LRRTM4: variants seen among roughly 807,000 people sequenced by gnomAD.
The protein encoded by LRRTM4 is leucine rich repeat transmembrane neuronal 4, also known as leucine-rich repeat transmembrane neuronal protein 4.
A neutral mutation model predicts 47.6 loss-of-function variants in LRRTM4; 25 were observed. The observed-to-expected ratio is 0.53, with a 90% CI of 0.38 to 0.73. The LOEUF (loss-of-function observed/expected upper bound fraction) is 0.73. Ranked by LOEUF, LRRTM4 falls within the 30% of genes least tolerant of loss-of-function variation. LRRTM4 has a pLI of 0.00. For synonymous variants in LRRTM4, 311 were observed against 269.5 expected, an observed-to-expected ratio of 1.15 and a Z score of -1.51; for missense variants, 638 against 713.4, an observed-to-expected ratio of 0.89 and a Z score of 1.20.
intron 3 of LRRTM4, among the ~76,000 whole-genome samples, chr2:77,111,712 T>C (rs1671254789): frequency 6.6e-6 from 1 of 152,108 alleles, no homozygotes; most frequent in African/African-American, 2.4e-5. Context: ...CAAGTAACCC[T>C]TATTTAACTT....
chr2:77,077,777 G>A (rs2103846537), intron 3 of LRRTM4, among the ~76,000 whole-genome samples: 1 of 152,230 alleles, frequency 6.6e-6, no homozygotes, highest in South Asian at 2.1e-4. Context: ...CTTTATATGT[G>A]TGGAACATAC....
chr2:76,770,063 G>A (rs191089073), intron 3 of LRRTM4, among the ~76,000 whole-genome samples: 2 of 152,126 alleles, frequency 1.3e-5, no homozygotes, highest in Non-Finnish European at 2.9e-5. Flanking sequence ...TAGAGTGGGA[G>A]ATGAAGACTC....
chr2:76,935,495 T>C (rs932218901), intron 3 of LRRTM4, among the ~76,000 whole-genome samples: 10 of 152,190 alleles, frequency 6.6e-5, no homozygotes, highest in African/African-American at 2.2e-4. Flanking sequence ...ATGGAAAGTT[T>C]TTCCATTTGT....
At chr2:76,952,444 ACT>A (rs756772058) in intron 3 of LRRTM4, among the ~76,000 whole-genome samples, 1 of 151,944 alleles carries the variant, frequency 6.6e-6, no homozygotes, top group Non-Finnish European at 1.5e-5. Context: ...AAAAATGCTC[ACT>A]GTCTCTAATC....
intron 3 of LRRTM4, among the ~76,000 whole-genome samples, chr2:77,438,477 G>A (rs1045338774): frequency 2.4e-4 from 34 of 142,244 alleles, no homozygotes; most frequent in Non-Finnish European, 4.0e-4. Context: ...CGCGATCTCG[G>A]CTCACTGCGC....
chr2:77,324,686 T>C (rs1375232135), intron 3 of LRRTM4, among the ~76,000 whole-genome samples: 3 of 152,176 alleles, frequency 2.0e-5, no homozygotes, highest in Non-Finnish European at 2.9e-5. Context: ...AAAACAAGAT[T>C]ATACTACATT....
chr2:77,390,508 G>A (rs557694400), intron 3 of LRRTM4, among the ~76,000 whole-genome samples: 8 of 151,834 alleles, frequency 5.3e-5, no homozygotes, highest in Admixed American at 1.3e-4. Context: ...ATTGATATCC[G>A]CTGGTAAATA....
At chr2:76,819,379 T>G (rs1353981970) in intron 3 of LRRTM4, among the ~76,000 whole-genome samples, 2 of 151,718 alleles carry the variant, frequency 1.3e-5, no homozygotes, top group African/African-American at 4.8e-5. Context: ...AAGACATAAG[T>G]AGGAAGTAAA....
At chr2:77,145,484 T>C (rs544033917) in intron 3 of LRRTM4, among the ~76,000 whole-genome samples, 72 of 151,998 alleles carry the variant, frequency 4.7e-4, no homozygotes, top group African/African-American at 1.7e-3. Context: ...AAAAGTTGTA[T>C]GTGGCTGGGC....
At chr2:76,884,342 G>C (rs577618502) in intron 3 of LRRTM4, among the ~76,000 whole-genome samples, 1 of 152,198 alleles carries the variant, frequency 6.6e-6, no homozygotes, top group African/African-American at 2.4e-5. Context: ...TTTAAAGCTA[G>C]TTTTCAAAGC....
At chr2:77,212,819 CTTAG>C (rs1674333031) in intron 3 of LRRTM4, among the ~76,000 whole-genome samples, 1 of 151,964 alleles carries the variant, frequency 6.6e-6, no homozygotes, top group Non-Finnish European at 1.5e-5. Context: ...CAATCATTTT[CTTAG>C]TTAAATAAAA....
chr2:77,426,168 C>T (rs970683862), intron 3 of LRRTM4, among the ~76,000 whole-genome samples: 5 of 151,234 alleles, frequency 3.3e-5, no homozygotes, highest in African/African-American at 4.9e-5. Context: ...TTCCCCTGTT[C>T]GATTAATCAA....
chr2:77,278,772 C>T lies in LRRTM4; in HGVS notation c.1551+239546G>A, dbSNP rs536319356. On this transcript the variant is annotated intron_variant, in intron 3 of 3. Transcript: ENST00000409884. The stretch of plus-strand genomic sequence containing the variant: ...ATTTCATGTTAGAAAGTGTGTATAC[C>T]ATGTGGACTCTACCACTTTCTGACT... 6.6e-5 allele frequency among the ~76,000 whole-genome samples: 10 copies of T among 151,944 alleles called. No individual in the cohort carries two copies. The East Asian group carries it at 1.2e-3, about 18-fold the overall frequency.
At chr2:77,395,290 T>C (rs1342535961) in intron 3 of LRRTM4, among the ~76,000 whole-genome samples, 2 of 151,868 alleles carry the variant, frequency 1.3e-5, no homozygotes, top group Admixed American at 6.6e-5. Flanking sequence ...CAAAAGGGAG[T>C]CTGTTCAGTC....
chr2:77,165,829 T>C (rs970747798), intron 3 of LRRTM4, among the ~76,000 whole-genome samples: 1 of 152,082 alleles, frequency 6.6e-6, no homozygotes, highest in African/African-American at 2.4e-5. Context: ...TAAGAGCTAT[T>C]TATGACAAAC....
intron 3 of LRRTM4, among the ~76,000 whole-genome samples, chr2:77,220,852 G>C (rs572406639): frequency 6.6e-6 from 1 of 152,140 alleles, no homozygotes; most frequent in Non-Finnish European, 1.5e-5. Context: ...GAAATACAGA[G>C]AACGCCACAA....
chr2:77,069,529 G>A (rs961925936), intron 3 of LRRTM4, among the ~76,000 whole-genome samples: 6 of 151,806 alleles, frequency 4.0e-5, no homozygotes, highest in African/African-American at 7.3e-5. Flanking sequence ...TCTTGTTCTG[G>A]ACTTTTAATT....
intron 3 of LRRTM4, among the ~76,000 whole-genome samples, chr2:77,408,360 A>G (rs757160701): frequency 6.6e-6 from 1 of 152,164 alleles, no homozygotes; most frequent in African/African-American, 2.4e-5. Context: ...ATGGTTTAAG[A>G]TATTTATCTA....
chr2:77,007,810 A>G (rs1381624617), intron 3 of LRRTM4, among the ~76,000 whole-genome samples: 4 of 152,106 alleles, frequency 2.6e-5, no homozygotes, highest in Non-Finnish European at 4.4e-5. Flanking sequence ...TCTTTTCCTA[A>G]TTACTCTCCT....
Sources: allele counts gnomAD v4.1 joint callset (sites outside exome capture counted in the v4.1 genomes callset), GRCh38; gene constraint gnomAD v4.1.1; transcripts MANE v1.5; gene names NCBI Gene and HGNC (gene_info 2026-07-23, HGNC 2026-07-21).